The following ARHGAP26 variants were observed in gnomAD, a reference collection of about 807,000 sequenced individuals.
ARHGAP26 encodes rho GTPase-activating protein 26.
In ARHGAP26, 38 loss-of-function variants were observed where a neutral mutation model predicts 104.8. The ratio of observed to expected loss-of-function variants is 0.36; its 90% CI spans 0.28 to 0.48. ARHGAP26 has a LOEUF of 0.48. ARHGAP26 is among the 20% of genes least tolerant of loss of function. The probability of loss-of-function intolerance (pLI) is 0.99; values close to 1 mark genes in which losing one functional copy is unlikely to be tolerated. For missense variants in ARHGAP26, 704 were observed against 947.9 expected (o/e 0.74, Z 3.38); for synonymous variants, 341 against 340.0 (o/e 1.00, Z -0.03).
rs1809969458 is a variant in ARHGAP26 at position 143,214,201 on chromosome 5, T to TC, written c.2191+113_2191+114insC. 1.3e-5 allele frequency: 9 copies of TC among 702,754 alleles called. No homozygotes were observed. The African/African-American group carries it at 1.4e-4, about 11-fold the overall frequency. The allele number at this position is 702,754 out of a possible 1,614,324, so 43.5% of individuals were successfully genotyped here. A position where few individuals can be genotyped will look rare whatever the true frequency, so the allele number is the denominator to read the frequency against. On this transcript the variant is annotated intron_variant, in intron 22 of 22. Coordinates refer to ENST00000645722, the MANE Select transcript of ARHGAP26 (RefSeq NM_001135608.3). Reference sequence around the variant, plus strand: ...CGAGGGAAAATCTCAATACAATGGGTAAGAAAAAAAGTGTGTGTGCGTCTG... The same window carrying TC: ...CGAGGGAAAATCTCAATACAATGGGTCAAGAAAAAAAGTGTGTGTGCGTCTG...
At chr5:143,010,327 A>G (rs1778564547) in intron 11 of ARHGAP26, among the ~76,000 whole-genome samples, 1 of 152,210 alleles carries the variant, frequency 6.6e-6, no homozygotes, top group Admixed American at 6.5e-5. Context: ...CCTTAGACAA[A>G]CTGTGTAACC....
intron 20 of ARHGAP26, among the ~76,000 whole-genome samples, chr5:143,156,599 T>A (rs258812): frequency 0.21 from 31,654 of 152,208 alleles, 3,968 homozygotes; most frequent in East Asian, 0.39. Context: ...CATGCTCAAG[T>A]CTGAGAGCCA....
Position 142,982,552 on chromosome 5 carries a change from G to A in ARHGAP26, c.1108-31528G>A, listed in dbSNP as rs533679573. ...GCCTGGCAGTCCTGTGGAATTGGCTGAATAGCGGAAGGAAGGAATCTGAAA... is the reference window on the plus strand; with the variant it reads ...GCCTGGCAGTCCTGTGGAATTGGCTAAATAGCGGAAGGAAGGAATCTGAAA... On this transcript the variant is annotated intron_variant, in intron 11 of 22. Transcript: ENST00000645722. 6.3e-4 allele frequency among the ~76,000 whole-genome samples: 96 copies of A among 152,310 alleles called. 2 individuals carry two copies. Among genetic ancestry groups the A allele is most frequent in the African/African-American group, 2.2e-3 (90 of 41,554 alleles).
intron 17 of ARHGAP26, among the ~76,000 whole-genome samples, chr5:143,077,708 G>T (rs1239463946): frequency 6.6e-6 from 1 of 152,244 alleles, no homozygotes; most frequent in African/African-American, 2.4e-5. Context: ...CTCTCTTGAG[G>T]ATGGGTCTGA....
rs934569786 is a variant in ARHGAP26, at chr5:142,910,477, G to A, written c.933+2673G>A. ...ACCGAGGCCGGATGTGGTGGCTCAC[G>A]CCTGTTAATCCCAGCACTTGGGAGG... is the stretch of plus-strand genomic sequence containing the variant. On this transcript the variant is annotated intron_variant, in intron 9 of 22. Coordinates refer to ENST00000645722, the MANE Select transcript of ARHGAP26 (RefSeq NM_001135608.3). 3.9e-5 allele frequency among the ~76,000 whole-genome samples: 6 copies of A among 152,226 alleles called. No homozygotes were observed. In the East Asian group the frequency reaches 7.7e-4, roughly 20 times the overall value.
intron 1 of ARHGAP26, among the ~76,000 whole-genome samples, chr5:142,810,294 C>G (rs2152014912): frequency 6.6e-6 from 1 of 152,270 alleles, no homozygotes; most frequent in South Asian, 2.1e-4. Flanking sequence ...TTGGACAGGG[C>G]TGAGCTAAGC....
chr5:143,116,818 T>C (rs1795512784), intron 17 of ARHGAP26, among the ~76,000 whole-genome samples: 1 of 152,198 alleles, frequency 6.6e-6, no homozygotes, highest in African/African-American at 2.4e-5. Context: ...CCTCATTGAA[T>C]CCAGTTCATG....
At chr5:142,788,191 G>C (rs1361178369) in intron 1 of ARHGAP26, among the ~76,000 whole-genome samples, 1 of 151,796 alleles carries the variant, frequency 6.6e-6, no homozygotes, top group African/African-American at 2.4e-5. Context: ...AGTAGAGATG[G>C]GGTTTCACCA....
At chr5:142,833,959 G>A (rs1024520507) in intron 1 of ARHGAP26, among the ~76,000 whole-genome samples, 2 of 152,168 alleles carry the variant, frequency 1.3e-5, no homozygotes, top group African/African-American at 2.4e-5. Flanking sequence ...GGACAGTCAT[G>A]CTTTTGGCAA....
intron 1 of ARHGAP26, among the ~76,000 whole-genome samples, chr5:142,804,803 T>A (rs1036699312): frequency 6.6e-6 from 1 of 152,204 alleles, no homozygotes; most frequent in Non-Finnish European, 1.5e-5. Flanking sequence ...GAACAGATTT[T>A]TTTTTTTAAA....
At chr5:142,979,077 C>T (rs1598463457) in intron 11 of ARHGAP26, among the ~76,000 whole-genome samples, 1 of 151,996 alleles carries the variant, frequency 6.6e-6, no homozygotes, top group Non-Finnish European at 1.5e-5. Flanking sequence ...TTTTTGAGGC[C>T]ATTATGGAAA....
chr5:143,222,279 A>ACACACC, intron 22 of ARHGAP26, 79 bp from the exon 23 acceptor site: 1 of 835,570 alleles, frequency 1.2e-6, no homozygotes, highest in Admixed American at 2.4e-5. Flanking sequence ...ACACACACAC[A>ACACACC]CACACCCCAC....
intron 11 of ARHGAP26, among the ~76,000 whole-genome samples, chr5:143,007,370 C>T (rs1328146522): frequency 6.6e-6 from 1 of 152,088 alleles, no homozygotes; most frequent in Non-Finnish European, 1.5e-5. Flanking sequence ...TAAAATGTCT[C>T]AAGCTGGTTG....
At chr5:143,036,723 G>A (rs1782694094) in intron 12 of ARHGAP26, among the ~76,000 whole-genome samples, 1 of 152,112 alleles carries the variant, frequency 6.6e-6, no homozygotes, top group Admixed American at 6.6e-5. Context: ...TGTAATATGG[G>A]CTAGTGATAA....
chr5:142,914,863 G>A (rs1241039354), intron 10 of ARHGAP26, among the ~76,000 whole-genome samples: 6 of 152,024 alleles, frequency 3.9e-5, no homozygotes, highest in Non-Finnish European at 7.4e-5. Flanking sequence ...TCATATTATT[G>A]GCATCCTTGA....
chr5:142,789,212 T>C (rs1278705722), intron 1 of ARHGAP26, among the ~76,000 whole-genome samples: 1 of 152,242 alleles, frequency 6.6e-6, no homozygotes, highest in Non-Finnish European at 1.5e-5. Context: ...ATGTAGCAGC[T>C]ATTGCTACTC....
intron 6 of ARHGAP26, among the ~76,000 whole-genome samples, chr5:142,897,835 C>G (rs966437220): frequency 1.3e-5 from 2 of 152,028 alleles, no homozygotes; most frequent in African/African-American, 4.8e-5. Flanking sequence ...TAGTAAATAG[C>G]AGAGCTGGAA....
Position 142,862,091 on chromosome 5 carries a change from G to T in ARHGAP26, c.155-11309G>T, listed in dbSNP as rs555671137. Among the ~76,000 whole-genome samples, 3 of 152,264 alleles carry T rather than the reference G, an allele frequency of 2.0e-5. No homozygotes were observed. In the South Asian group the frequency reaches 6.2e-4, roughly 32 times the overall value. On this transcript the variant is annotated intron_variant, in intron 1 of 22. Coordinates refer to ENST00000645722, the MANE Select transcript of ARHGAP26 (RefSeq NM_001135608.3). ...TTGGTTATGGGTTGGCTTGTTTGTT[G>T]TTCCTTTTTTTCTTTTTGTTCTTTG... is the stretch of plus-strand genomic sequence containing the variant.
intron 17 of ARHGAP26, among the ~76,000 whole-genome samples, chr5:143,115,335 A>G (rs538777493): frequency 1.6e-5 from 2 of 124,288 alleles, no homozygotes; most frequent in African/African-American, 5.4e-5. Flanking sequence ...CTTAATCTCA[A>G]AAACAACAAC....
Sources: allele counts gnomAD v4.1 joint callset (sites outside exome capture counted in the v4.1 genomes callset), GRCh38; gene constraint gnomAD v4.1.1; transcripts MANE v1.5; gene names NCBI Gene and HGNC (gene_info 2026-07-23, HGNC 2026-07-21).